The following PTPRD variants were observed in gnomAD, a reference collection of about 807,000 sequenced individuals.
PTPRD encodes the protein protein tyrosine phosphatase receptor type D.
Under a neutral mutation model 214.5 loss-of-function variants are expected in PTPRD, and 34 were observed. The ratio of observed to expected loss-of-function variants is 0.16; its 90% CI spans 0.12 to 0.21. The LOEUF (loss-of-function observed/expected upper bound fraction) is 0.21, where lower values mean the gene tolerates loss of function less well. PTPRD is among the 10% of genes least tolerant of loss of function. The pLI, the probability that PTPRD is intolerant of heterozygous loss-of-function variation, is 1.00. For missense variants in PTPRD, 2,545 were observed against 2,398.7 expected (o/e 1.06, Z -1.27); for synonymous variants, 1,128 against 845.7 (o/e 1.33, Z -5.79).
intron 11 of PTPRD, among the ~76,000 whole-genome samples, chr9:8,831,177 G>A (rs535347188): frequency 5.3e-5 from 8 of 152,148 alleles, no homozygotes; most frequent in Admixed American, 2.0e-4. Flanking sequence ...GGAGGGTTGC[G>A]GAATGGTTTT....
intron 5 of PTPRD, among the ~76,000 whole-genome samples, chr9:9,809,405 C>A (rs1281056612): frequency 6.6e-6 from 1 of 151,430 alleles, no homozygotes; most frequent in Non-Finnish European, 1.5e-5. Flanking sequence ...GTAGCTGGGA[C>A]TACAGGTGCC....
intron 5 of PTPRD, among the ~76,000 whole-genome samples, chr9:9,924,257 G>T (rs1214131627): frequency 6.6e-6 from 1 of 151,824 alleles, no homozygotes; most frequent in African/African-American, 2.4e-5. Context: ...GATAAATCAA[G>T]ATAATAATAC....
chr9:8,603,885 T>C (rs1041371850), intron 14 of PTPRD, among the ~76,000 whole-genome samples: 1 of 152,220 alleles, frequency 6.6e-6, no homozygotes, highest in Non-Finnish European at 1.5e-5. Context: ...GAAGAAAGGC[T>C]ACAATGAAAA....
rs192927474 is a variant in PTPRD at position 8,689,757 on chromosome 9, G to C, written c.64+44023C>G. The stretch of plus-strand genomic sequence containing the variant: ...TCCTATTTGGTTCATCTCTTCTTTA[G>C]AATATTACTGTTTTTCTACACTTTG... On this transcript the variant is annotated intron_variant, in intron 12 of 45. Transcript: ENST00000381196. Among the ~76,000 whole-genome samples, 4 of 152,194 alleles carry C rather than the reference G, an allele frequency of 2.6e-5. No individual in the cohort carries two copies. The East Asian group carries it at 5.8e-4, about 22-fold the overall frequency.
intron 9 of PTPRD, among the ~76,000 whole-genome samples, chr9:9,310,489 T>C (rs961646197): frequency 6.6e-5 from 10 of 152,168 alleles, no homozygotes; most frequent in African/African-American, 2.2e-4. Context: ...GTTGTATTTC[T>C]TTAAAAGAAA....
intron 2 of PTPRD, among the ~76,000 whole-genome samples, chr9:10,527,348 G>C (rs1245047441): frequency 6.6e-6 from 1 of 152,062 alleles, no homozygotes; most frequent in African/African-American, 2.4e-5. Context: ...AAGAGACTAG[G>C]TAACAATAAT....
intron 6 of PTPRD, among the ~76,000 whole-genome samples, chr9:9,751,559 C>G (rs2098519821): frequency 6.6e-6 from 1 of 152,096 alleles, no homozygotes. Flanking sequence ...CAGAGGAAAT[C>G]AAATTAAAAT....
intron 31 of PTPRD, among the ~76,000 whole-genome samples, chr9:8,466,357 C>A (rs776275481): frequency 6.6e-5 from 10 of 151,800 alleles, no homozygotes; most frequent in Non-Finnish European, 1.2e-4. Context: ...GTATATATTG[C>A]CAGATAATAT....
chr9:10,026,105 T>G (rs1335424568), intron 4 of PTPRD, among the ~76,000 whole-genome samples: 3 of 152,222 alleles, frequency 2.0e-5, no homozygotes, highest in African/African-American at 7.2e-5. Flanking sequence ...ACAAATGTAC[T>G]GATGAGAAAG....
intron 10 of PTPRD, among the ~76,000 whole-genome samples, chr9:9,066,919 C>A (rs1333217199): frequency 6.6e-6 from 1 of 152,182 alleles, no homozygotes; most frequent in Non-Finnish European, 1.5e-5. Context: ...TGTTTTAATT[C>A]ATCAAAAGGA....
chr9:9,064,759 C>T (rs1437031707), intron 10 of PTPRD, among the ~76,000 whole-genome samples: 1 of 152,130 alleles, frequency 6.6e-6, no homozygotes, highest in Admixed American at 6.5e-5. Flanking sequence ...TAAAAATCAT[C>T]ACGGTAATAA....
intron 9 of PTPRD, among the ~76,000 whole-genome samples, chr9:9,355,163 G>C (rs771089796): frequency 5.9e-5 from 9 of 151,658 alleles, no homozygotes; most frequent in Non-Finnish European, 1.3e-4. Context: ...AGGTAATAAA[G>C]TTATCTATCA....
intron 11 of PTPRD, among the ~76,000 whole-genome samples, chr9:8,758,671 G>C (rs184190812): frequency 7.9e-5 from 12 of 152,032 alleles, no homozygotes; most frequent in African/African-American, 2.9e-4. Context: ...CAATATTTAT[G>C]GAGCTCATTT....
intron 3 of PTPRD, among the ~76,000 whole-genome samples, chr9:10,085,167 T>C (rs929176290): frequency 6.6e-6 from 1 of 151,860 alleles, no homozygotes; most frequent in African/African-American, 2.4e-5. Context: ...AAAAACCATT[T>C]AGTACAGTAT....
rs1217470478 is a variant in PTPRD, at chr9:10,060,827, T to TCTTTCTTTCTTTCTTTCTTTCTTTCTTC, written c.-544-27038_-544-27037insGAAGAAAGAAAGAAAGAAAGAAAGAAAG. On this transcript the variant is annotated intron_variant, in intron 3 of 45. Coordinates refer to ENST00000381196, the MANE Select transcript of PTPRD (RefSeq NM_002839.4). ...TCCTTTCTTTCTTTCTTTCTTTCTT[T>TCTTTCTTTCTTTCTTTCTTTCTTTCTTC]CTTCCTTCCTTCCTTCCTTTCCTTT... is the stretch of plus-strand genomic sequence containing the variant. Among the ~76,000 whole-genome samples, 8 of 119,784 alleles carry TCTTTCTTTCTTTCTTTCTTTCTTTCTTC rather than the reference T, an allele frequency of 6.7e-5. No homozygotes were observed. In the South Asian group the frequency reaches 1.9e-3, roughly 28 times the overall value. The allele number at this position is 119,784 out of a possible 152,430, so 78.6% of individuals were successfully genotyped here. A position where few individuals can be genotyped will look rare whatever the true frequency, so the allele number is the denominator to read the frequency against.
At chr9:8,710,936 A>C (rs1831767003) in intron 12 of PTPRD, among the ~76,000 whole-genome samples, 1 of 152,152 alleles carries the variant, frequency 6.6e-6, no homozygotes, top group African/African-American at 2.4e-5. Flanking sequence ...GATTATCAAA[A>C]TATATTGCTT....
chr9:9,406,751 G>C (rs1225977719), intron 8 of PTPRD, among the ~76,000 whole-genome samples: 1 of 151,624 alleles, frequency 6.6e-6, no homozygotes, highest in Non-Finnish European at 1.5e-5. Flanking sequence ...TGTGGGGAAG[G>C]AGAATATTAA....
At chr9:10,443,924 G>C (rs978276725) in intron 2 of PTPRD, among the ~76,000 whole-genome samples, 1 of 148,974 alleles carries the variant, frequency 6.7e-6, no homozygotes, top group African/African-American at 2.5e-5. Context: ...CAATTTACTT[G>C]TTGGTGTCTC....
chr9:9,055,900 G>C (rs17665121), intron 10 of PTPRD, among the ~76,000 whole-genome samples: 9,559 of 151,396 alleles, frequency 0.063, 350 homozygotes, highest in Middle Eastern at 0.11. Context: ...CACTAGTCTG[G>C]TATTCTCAAT....
Sources: allele counts gnomAD v4.1 joint callset (sites outside exome capture counted in the v4.1 genomes callset), GRCh38; gene constraint gnomAD v4.1.1; transcripts MANE v1.5; gene names NCBI Gene and HGNC (gene_info 2026-07-23, HGNC 2026-07-21).